Variants in KHDRBS3 observed in about 807,000 individuals in gnomAD.
KHDRBS3 encodes KH RNA binding domain containing, signal transduction associated 3.
In KHDRBS3, 23 loss-of-function variants were observed where a neutral mutation model predicts 45.6. The ratio of observed to expected loss-of-function variants is 0.50; its 90% confidence interval spans 0.36 to 0.72. The LOEUF is 0.72. Among genes scored for constraint, KHDRBS3 ranks in the 30% least tolerant of loss-of-function variants. The probability of loss-of-function intolerance (pLI) is 0.00; values close to 1 mark genes in which losing one functional copy is unlikely to be tolerated. For synonymous variants in KHDRBS3, 162 were observed against 156.5 expected, an observed-to-expected ratio of 1.04 and a Z score of -0.26; for missense variants, 352 against 424.8, an observed-to-expected ratio of 0.83 and a Z score of 1.51.
At chr8:135,640,632 C>T (rs1487323425) in intron 7 of KHDRBS3, among the ~76,000 whole-genome samples, 5 of 152,122 alleles carry the variant, frequency 3.3e-5, no homozygotes, top group South Asian at 2.1e-4. Flanking sequence ...CTGAGCACGC[C>T]GGCTTCCTTT....
At chr8:135,545,863 C>T (rs1053579242) in intron 3 of KHDRBS3, among the ~76,000 whole-genome samples, 1 of 152,178 alleles carries the variant, frequency 6.6e-6, no homozygotes. Context: ...ACTGGCCAGT[C>T]ATGGTGGCTC....
In KHDRBS3 at chr8:135,582,033, C is replaced by T. The variant is rs1010397000; in HGVS notation, c.767C>T (p.Pro256Leu). The change falls in exon 6 of 9, where the codon CCT (proline) becomes CTT (leucine). Residue 256 changes from proline (P) to leucine (L), a missense_variant. Coordinates refer to ENST00000355849, the MANE Select transcript of KHDRBS3 (RefSeq NM_006558.3). ...GGAGTCCCCCCAACTGGGTACAGAC[C>T]TCCACCGCCACCCCCGACACAAGAG... is the stretch of plus-strand genomic sequence containing the variant. ...ARGVPPTGYR[P>L]PPPPPTQETY... is the part of the protein sequence containing the mutation. The T allele has an allele frequency of 6.3e-7, 1 of 1,597,018 alleles. No individual in the cohort carries two copies. Among genetic ancestry groups the T allele is most frequent in the African/African-American group, 1.3e-5 (1 of 74,570 alleles).
chr8:135,528,857 T>C (rs573377590), intron 2 of KHDRBS3, among the ~76,000 whole-genome samples: 241 of 152,256 alleles, frequency 1.6e-3, no homozygotes, highest in African/African-American at 5.6e-3. Flanking sequence ...AATCCATTCA[T>C]AGGGGCAGAG....
At chr8:135,625,448 C>A in intron 7 of KHDRBS3, 1 of 772,310 alleles carries the variant, frequency 1.3e-6, no homozygotes, top group South Asian at 1.4e-5. Flanking sequence ...TCTTTCACAC[C>A]ACACCAGGGC....
chr8:135,609,097 T>G (rs1363223517), intron 7 of KHDRBS3, among the ~76,000 whole-genome samples: 1 of 152,122 alleles, frequency 6.6e-6, no homozygotes, highest in Non-Finnish European at 1.5e-5. Flanking sequence ...TACACTCAAT[T>G]TATTAAAAAG....
At chr8:135,539,783 G>A (rs185983013) in intron 2 of KHDRBS3, 5 of 152,122 alleles carry the variant, frequency 3.3e-5, no homozygotes, top group African/African-American at 9.6e-5. Context: ...GAAAAAGAAG[G>A]GAAAATAAAA....
intron 4 of KHDRBS3, among the ~76,000 whole-genome samples, chr8:135,555,411 G>A (rs918347948): frequency 1.3e-5 from 2 of 149,834 alleles, no homozygotes; most frequent in Non-Finnish European, 3.0e-5. Context: ...GGTATCATTA[G>A]TGTTAGTGTA....
intron 6 of KHDRBS3, among the ~76,000 whole-genome samples, chr8:135,595,954 A>G (rs1828954095): frequency 6.6e-6 from 1 of 152,200 alleles, no homozygotes; most frequent in Non-Finnish European, 1.5e-5. Context: ...CATGACTACA[A>G]AAGGTGAAAG....
chr8:135,539,551 A>G (rs1464199870), intron 2 of KHDRBS3: 1 of 152,210 alleles, frequency 6.6e-6, no homozygotes, highest in Non-Finnish European at 1.5e-5. Flanking sequence ...AAATTCATCT[A>G]TTTATTACTT....
At chr8:135,538,977 A>G (rs944206619) in intron 2 of KHDRBS3, 5 of 152,364 alleles carry the variant, frequency 3.3e-5, no homozygotes, top group Middle Eastern at 3.4e-3. Flanking sequence ...AGGGTGTCCT[A>G]TAGAATGCAT....
intron 1 of KHDRBS3, among the ~76,000 whole-genome samples, chr8:135,476,622 T>C (rs1044465965): frequency 4.6e-5 from 7 of 152,214 alleles, no homozygotes; most frequent in Non-Finnish European, 1.0e-4. Flanking sequence ...AAGCACCTTT[T>C]AGGTAATAAC....
chr8:135,567,070 A>G (rs1274756455), intron 5 of KHDRBS3, among the ~76,000 whole-genome samples: 1 of 152,182 alleles, frequency 6.6e-6, no homozygotes, highest in Non-Finnish European at 1.5e-5. Context: ...CTGCCTGCAT[A>G]TTAACGCCCT....
chr8:135,587,364 C>T (rs1288397983), intron 6 of KHDRBS3, among the ~76,000 whole-genome samples: 1 of 152,142 alleles, frequency 6.6e-6, no homozygotes, highest in Non-Finnish European at 1.5e-5. Flanking sequence ...ATAGTCTAGC[C>T]ATTGGTAACA....
chr8:135,589,447 A>C (rs1479717366), intron 6 of KHDRBS3, among the ~76,000 whole-genome samples: 2 of 152,124 alleles, frequency 1.3e-5, no homozygotes, highest in African/African-American at 4.8e-5. Flanking sequence ...GACTAACCCG[A>C]CTGTCATTTT....
intron 1 of KHDRBS3, among the ~76,000 whole-genome samples, chr8:135,469,895 C>T (rs1248753956): frequency 1.3e-5 from 2 of 152,284 alleles, no homozygotes; most frequent in East Asian, 1.9e-4. Context: ...AGAAACCAAG[C>T]GCTAGAGTAC....
At chr8:135,654,431 A>G (rs1005557363) in intron 4 of KHDRBS3, among the ~76,000 whole-genome samples, 2 of 152,220 alleles carry the variant, frequency 1.3e-5, no homozygotes, top group Admixed American at 6.5e-5. Flanking sequence ...TGCTACATGT[A>G]TTCATTATGA....
chr8:135,644,013 ATGTT>A (rs1831179890), intron 7 of KHDRBS3, among the ~76,000 whole-genome samples: 1 of 152,058 alleles, frequency 6.6e-6, no homozygotes, highest in African/African-American at 2.4e-5. Flanking sequence ...AAGAATGGGG[ATGTT>A]TATTTCCATG....
At chr8:135,642,895 C>T (rs565245521) in intron 7 of KHDRBS3, among the ~76,000 whole-genome samples, 18 of 151,804 alleles carry the variant, frequency 1.2e-4, no homozygotes, top group Non-Finnish European at 1.5e-4. Context: ...TGGGTTCAAG[C>T]AGTTCCCCTG....
chr8:135,547,475 G>T (rs1216720390), intron 3 of KHDRBS3, among the ~76,000 whole-genome samples: 2 of 152,160 alleles, frequency 1.3e-5, no homozygotes, highest in African/African-American at 4.8e-5. Context: ...CATACAGTCT[G>T]TCTAAACTCA....
Sources: gnomAD v4.1 joint callset for allele counts (sites outside exome capture counted in the v4.1 genomes callset) on GRCh38, gnomAD v4.1.1 for gene constraint, MANE v1.5 for transcripts, NCBI Gene and HGNC (gene_info 2026-07-23, HGNC 2026-07-21) for gene names.